ZNF18: variants seen among roughly 807,000 people sequenced by gnomAD.
The protein encoded by ZNF18 is heart development-specific gene 1 protein.
In ZNF18, 42 loss-of-function variants were observed where a neutral mutation model predicts 58.1. The ratio of observed to expected loss-of-function variants is 0.72; its 90% CI spans 0.56 to 0.93. The LOEUF (loss-of-function observed/expected upper bound fraction) is 0.93, where lower values mean the gene tolerates loss of function less well. ZNF18 is among the 40% of genes least tolerant of loss of function. The pLI is 0.00. For synonymous variants in ZNF18, 231 were observed against 239.8 expected (o/e 0.96, Z 0.34); for missense variants, 540 against 644.2 (o/e 0.84, Z 1.75).
intron 4 of ZNF18, among the ~76,000 whole-genome samples, chr17:11,985,110 T>C (rs113310870): frequency 4.6e-5 from 7 of 152,316 alleles, no homozygotes; most frequent in African/African-American, 1.7e-4. Flanking sequence ...TAACATTAAA[T>C]TAGTTTTCTT....
chr17:12,016,737 T>G, the ZNF18 span, among the ~76,000 whole-genome samples: 1 of 152,170 alleles, frequency 6.6e-6, no homozygotes, highest in Admixed American at 6.5e-5. Flanking sequence ...GTAATATGTT[T>G]GTATTTGGTC....
At chr17:11,999,678 C>T (rs1279532177), upstream of ZNF18, among the ~76,000 whole-genome samples, 3 of 152,040 alleles carry the variant, frequency 2.0e-5, no homozygotes, top group Non-Finnish European at 2.9e-5. Context: ...TCCCAGCCCT[C>T]CCAAGACTTA....
At chr17:12,009,438 G>A in the ZNF18 span, among the ~76,000 whole-genome samples, 1 of 150,564 alleles carries the variant, frequency 6.6e-6, no homozygotes, top group African/African-American at 2.4e-5. Context: ...ATACATTCCC[G>A]AGCTTTTTTT....
chr17:12,021,416 G>C, the ZNF18 span: 1 of 152,112 alleles, frequency 6.6e-6, no homozygotes, highest in Non-Finnish European at 1.5e-5. Context: ...GGTCCCTGAC[G>C]CCGCTCAGGT....
chr17:11,979,848 T>C (rs1597945610), intron 6 of ZNF18, among the ~76,000 whole-genome samples: 1 of 152,174 alleles, frequency 6.6e-6, no homozygotes, highest in Admixed American at 6.5e-5. Context: ...TACTTTCTCG[T>C]GTTTTTAAAA....
At chr17:12,012,215 T>C in the ZNF18 span, among the ~76,000 whole-genome samples, 4 of 152,198 alleles carry the variant, frequency 2.6e-5, no homozygotes, top group African/African-American at 7.2e-5. Flanking sequence ...TTTCTCCTTC[T>C]TTAAAACAAA....
At chr17:11,998,472 TCATAA>T (rs1224167849), upstream of ZNF18, 1 of 151,800 alleles carries the variant, frequency 6.6e-6, no homozygotes, top group Non-Finnish European at 1.5e-5. Flanking sequence ...GCTGTCATTA[TCATAA>T]CATGTCCTGT....
chr17:11,988,766 T>G (rs1226544890), intron 4 of ZNF18, among the ~76,000 whole-genome samples: 1 of 149,902 alleles, frequency 6.7e-6, no homozygotes, highest in Non-Finnish European at 1.5e-5. Flanking sequence ...TTCAAGAACA[T>G]TTATAGTAAT....
chr17:11,978,416 C>A lies in ZNF18; in HGVS notation c.1191G>T (p.Gly397=). ...LEEKRETSQK[G]QPRAPMAQKL... is the part of the protein sequence containing the mutation. ...TCTGGGCCATGGGGGCTCTTGGCTG[C>A]CCCTTCTGGGAGGTCTCTCTCTTCT... The change falls in exon 7 of 7, where the codon GGG becomes GGT. Residue 397 remains glycine (G), a synonymous_variant. Transcript: ENST00000580306. 6.5e-7 allele frequency: 1 copy of A among 1,546,178 alleles called. No homozygotes were observed.
At chr17:12,020,514 T>A in the ZNF18 span, among the ~76,000 whole-genome samples, 1 of 152,132 alleles carries the variant, frequency 6.6e-6, no homozygotes, top group Non-Finnish European at 1.5e-5. Context: ...TTTGGGGTTC[T>A]GAGATTCCAA....
intron 1 of ZNF18, 23 bp downstream of exon 1, chr17:11,997,408 G>A (rs974447400): frequency 1.3e-5 from 2 of 152,208 alleles, no homozygotes; most frequent in East Asian, 1.9e-4. Flanking sequence ...CGGAGGCCGG[G>A]ACCGCCCCGC....
chr17:11,990,648 G>T lies in ZNF18; in HGVS notation c.578-98C>A. On this transcript the variant is annotated intron_variant, in intron 3 of 6. Coordinates refer to ENST00000580306, the MANE Select transcript of ZNF18 (RefSeq NM_001303281.2). ...ATCTTCACAAATCAGAACAATACCTGAACAATACCTGTACTGCCATCTATA... is the reference window on the plus strand; with the variant it reads ...ATCTTCACAAATCAGAACAATACCTTAACAATACCTGTACTGCCATCTATA... The T allele has an allele frequency of 8.7e-6, 8 of 915,938 alleles. 1 individual carries two copies. The South Asian group carries it at 1.2e-4, about 14-fold the overall frequency. 56.7% of individuals were successfully genotyped at this position (915,938 alleles called of 1,614,324 possible).
In ZNF18 at chr17:11,982,657, AGTGTGTGTGTGTGTGTGTGTGTGT is replaced by A. The variant is rs143602913; in HGVS notation, c.862+616_862+639del. Reference sequence around the variant, plus strand: ...TTCTGGGATTTACTGTATATATAAAAGTGTGTGTGTGTGTGTGTGTGTGTGTGTGTGTGTGTGTGTGTAGGTTTC... The same window carrying A: ...TTCTGGGATTTACTGTATATATAAAAGTGTGTGTGTGTGTGTGTAGGTTTC... On this transcript the variant is annotated intron_variant, in intron 6 of 6. Coordinates refer to ENST00000580306, the MANE Select transcript of ZNF18 (RefSeq NM_001303281.2). Among the ~76,000 whole-genome samples, 19 of 136,810 alleles carry A rather than the reference AGTGTGTGTGTGTGTGTGTGTGTGT, an allele frequency of 1.4e-4. No individual in the cohort carries two copies. In the South Asian group the frequency reaches 4.9e-3, roughly 35 times the overall value. The allele number at this position is 136,810 out of a possible 152,430, so 89.8% of individuals were successfully genotyped here. A position where few individuals can be genotyped will look rare whatever the true frequency, so the allele number is the denominator to read the frequency against.
At chr17:12,002,407 A>G (rs1031276486), upstream of ZNF18, 3 of 152,200 alleles carry the variant, frequency 2.0e-5, no homozygotes, top group African/African-American at 7.2e-5. Flanking sequence ...AAAAAAATAT[A>G]TAAAATAAAA....
chr17:12,010,041 G>A, the ZNF18 span, among the ~76,000 whole-genome samples: 3 of 152,170 alleles, frequency 2.0e-5, no homozygotes, highest in South Asian at 6.2e-4. Context: ...CCAAAACAGG[G>A]GTGAAAGCTT....
intron 1 of ZNF18, among the ~76,000 whole-genome samples, chr17:11,994,280 TC>T (rs1421050850): frequency 6.6e-6 from 1 of 151,986 alleles, no homozygotes; most frequent in Non-Finnish European, 1.5e-5. Context: ...CATTGGAAAA[TC>T]ATTTAAAAAC....
chr17:12,020,177 G>A, the ZNF18 span, among the ~76,000 whole-genome samples: 1 of 152,208 alleles, frequency 6.6e-6, no homozygotes, highest in Non-Finnish European at 1.5e-5. Flanking sequence ...AGATGGTGAT[G>A]TAGATAGCAT....
Position 11,978,353 on chromosome 17 carries a change from A to G in ZNF18, c.1254T>C (p.Tyr418=), listed in dbSNP as rs755911093. The change falls in exon 7 of 7, where the codon TAT becomes TAC. Residue 418 remains tyrosine, a synonymous_variant. Coordinates refer to ENST00000580306, the MANE Select transcript of ZNF18 (RefSeq NM_001303281.2). ...GGTGAAAAATAAGCTGAGAATTCCT[A>G]TAAAAGGTCTTCCCACACTCCCTGC... ...PTCRECGKTF[Y]RNSQLIFHQR... is the part of the protein sequence containing the mutation. The G allele has an allele frequency of 1.9e-6, 3 of 1,576,042 alleles. No homozygotes were observed. Among genetic ancestry groups the G allele is most frequent in the Non-Finnish European group, 2.6e-6 (3 of 1,164,170 alleles).
chr17:11,996,234 C>G (rs528417797), intron 1 of ZNF18, among the ~76,000 whole-genome samples: 1 of 152,276 alleles, frequency 6.6e-6, no homozygotes, highest in East Asian at 1.9e-4. Flanking sequence ...CCTACAGTTT[C>G]AAATAACATC....
Sources: allele counts gnomAD v4.1 joint callset (sites outside exome capture counted in the v4.1 genomes callset), GRCh38; gene constraint gnomAD v4.1.1; transcripts MANE v1.5; gene names NCBI Gene and HGNC (gene_info 2026-07-23, HGNC 2026-07-21).